PTPRM: variants seen among roughly 807,000 people sequenced by gnomAD.
PTPRM encodes the protein receptor-type tyrosine-protein phosphatase mu.
A neutral mutation model predicts 186.7 loss-of-function variants in PTPRM; 47 were observed. That is an observed-to-expected ratio of 0.25 (90% confidence interval 0.20 to 0.32). The LOEUF is 0.32. Among genes scored for constraint, PTPRM ranks in the 10% least tolerant of loss-of-function variants. The pLI is 1.00. For missense variants in PTPRM, 1,494 were observed against 1,865.0 expected, an observed-to-expected ratio of 0.80 and a Z score of 3.66; for synonymous variants, 668 against 674.9, an observed-to-expected ratio of 0.99 and a Z score of 0.16.
intron 1 of PTPRM, among the ~76,000 whole-genome samples, chr18:7,700,907 A>G (rs1395264876): frequency 7.0e-6 from 1 of 142,876 alleles, no homozygotes; most frequent in African/African-American, 2.6e-5. Context: ...AGCCCAGGAG[A>G]CGGAGGTTGC....
chr18:8,290,523 A>G (rs2095031208), intron 19 of PTPRM, among the ~76,000 whole-genome samples: 1 of 151,910 alleles, frequency 6.6e-6, no homozygotes, highest in Non-Finnish European at 1.5e-5. Context: ...TGGTGGCGGT[A>G]TGAGGGGTGG....
chr18:8,358,249 GCACACACACACA>G (rs144869213), intron 23 of PTPRM, among the ~76,000 whole-genome samples: 5 of 147,658 alleles, frequency 3.4e-5, no homozygotes, highest in African/African-American at 1.2e-4. Flanking sequence ...CACATGACAC[GCACACACACACA>G]CACACACACA....
At chr18:8,209,412 C>T (rs547843296) in intron 14 of PTPRM, among the ~76,000 whole-genome samples, 27 of 152,248 alleles carry the variant, frequency 1.8e-4, no homozygotes, top group Admixed American at 1.1e-3. Flanking sequence ...AAGGATGTCT[C>T]TGAGGTTTTC....
At chr18:8,138,002 C>G (rs73389714) in intron 13 of PTPRM, among the ~76,000 whole-genome samples, 3,751 of 152,248 alleles carry the variant, frequency 0.025, 135 homozygotes, top group African/African-American at 0.086. Context: ...ACAAAACGTA[C>G]TAAATAAGGG....
At chr18:7,874,036 T>A (rs1361956988) in intron 2 of PTPRM, among the ~76,000 whole-genome samples, 1 of 152,110 alleles carries the variant, frequency 6.6e-6, no homozygotes, top group Non-Finnish European at 1.5e-5. Flanking sequence ...TTGTCAACAT[T>A]ATATTATTGG....
chr18:7,908,513 G>A (rs1418054460), intron 4 of PTPRM, among the ~76,000 whole-genome samples: 26 of 152,146 alleles, frequency 1.7e-4, no homozygotes, highest in Admixed American at 1.7e-3. Context: ...GTTACCTGAT[G>A]AATGTATCAT....
chr18:7,777,351 A>T (rs2042637573), intron 2 of PTPRM, among the ~76,000 whole-genome samples: 1 of 152,302 alleles, frequency 6.6e-6, no homozygotes, highest in African/African-American at 2.4e-5. Flanking sequence ...AAAAGCAAAA[A>T]GAATAATAAA....
chr18:8,183,429 A>C (rs1338277387), intron 14 of PTPRM, among the ~76,000 whole-genome samples: 1 of 152,224 alleles, frequency 6.6e-6, no homozygotes, highest in East Asian at 1.9e-4. Flanking sequence ...TGATGCGATG[A>C]CATAAAGGAA....
chr18:7,683,357 G>A (rs549011122), intron 1 of PTPRM, among the ~76,000 whole-genome samples: 1 of 152,028 alleles, frequency 6.6e-6, no homozygotes, highest in Non-Finnish European at 1.5e-5. Flanking sequence ...TGTTTTTATA[G>A]AGACAGGGCC....
At chr18:8,379,050 G>GTC in intron 27 of PTPRM, 117 bp from the exon 28 acceptor site, 1 of 771,740 alleles carries the variant, frequency 1.3e-6, no homozygotes, top group Non-Finnish European at 1.9e-6. Flanking sequence ...GGGGAGGGAG[G>GTC]GGGAAGGGAC....
chr18:7,819,569 A>G (rs1425094962), intron 2 of PTPRM, among the ~76,000 whole-genome samples: 3 of 152,200 alleles, frequency 2.0e-5, no homozygotes, highest in African/African-American at 4.8e-5. Flanking sequence ...CTTCCACTCA[A>G]TAAAACCTCG....
chr18:8,113,086 TA>T (rs2091826901), intron 11 of PTPRM, among the ~76,000 whole-genome samples: 1 of 152,242 alleles, frequency 6.6e-6, no homozygotes, highest in Non-Finnish European at 1.5e-5. Flanking sequence ...CATTGCTTTT[TA>T]AAATAAACTT....
At chr18:7,831,640 A>G (rs899927958) in intron 2 of PTPRM, among the ~76,000 whole-genome samples, 10 of 152,258 alleles carry the variant, frequency 6.6e-5, no homozygotes, top group Admixed American at 1.3e-4. Flanking sequence ...TCTTTTAGTT[A>G]TCTTTAAATG....
At chr18:7,850,876 G>A (rs2046826602) in intron 2 of PTPRM, among the ~76,000 whole-genome samples, 1 of 152,096 alleles carries the variant, frequency 6.6e-6, no homozygotes, top group African/African-American at 2.4e-5. Context: ...AAAATCAGTA[G>A]CACAAAAAGT....
At chr18:8,009,926 G>T (rs2084422722) in intron 7 of PTPRM, among the ~76,000 whole-genome samples, 1 of 151,954 alleles carries the variant, frequency 6.6e-6, no homozygotes, top group South Asian at 2.1e-4. Flanking sequence ...AATGTGAACT[G>T]TAATACCTAC....
At chr18:7,596,049 C>T (rs2037249855) in intron 1 of PTPRM, among the ~76,000 whole-genome samples, 1 of 152,160 alleles carries the variant, frequency 6.6e-6, no homozygotes, top group South Asian at 2.1e-4. Flanking sequence ...TATGGTAGTA[C>T]CCCCTTATCT....
intron 3 of PTPRM, among the ~76,000 whole-genome samples, chr18:7,889,343 T>C (rs915587052): frequency 6.8e-6 from 1 of 146,104 alleles, no homozygotes; most frequent in African/African-American, 2.5e-5. Context: ...CTTTTTTTTT[T>C]TTTTTTTTTT....
intron 2 of PTPRM, among the ~76,000 whole-genome samples, chr18:7,817,500 T>G (rs1284291310): frequency 6.6e-5 from 10 of 152,226 alleles, no homozygotes; most frequent in African/African-American, 2.4e-4. Flanking sequence ...TAATTAACAG[T>G]TGGCCACTAC....
At chr18:8,238,674 T>TGG (rs2094379220) in intron 14 of PTPRM, among the ~76,000 whole-genome samples, 1 of 142,326 alleles carries the variant, frequency 7.0e-6, no homozygotes, top group Non-Finnish European at 1.5e-5. Flanking sequence ...TTTTTTTTTT[T>TGG]TTTTTTTTTT....
Sources: gnomAD v4.1 joint callset for allele counts (sites outside exome capture counted in the v4.1 genomes callset) on GRCh38, gnomAD v4.1.1 for gene constraint, MANE v1.5 for transcripts, NCBI Gene and HGNC (gene_info 2026-07-23, HGNC 2026-07-21) for gene names.